Variants in CTIF observed in about 807,000 individuals in gnomAD.
The protein encoded by CTIF is CBP80/20-dependent translation initiation factor.
Under a neutral mutation model 66.0 loss-of-function variants are expected in CTIF, and 21 were observed. That is an observed-to-expected ratio of 0.32 (90% CI 0.23 to 0.46). The LOEUF is 0.46. Among genes scored for constraint, CTIF ranks in the 20% least tolerant of loss-of-function variants. The pLI is 1.00. For synonymous variants in CTIF, 345 were observed against 326.4 expected (o/e 1.06, Z -0.62); for missense variants, 739 against 812.7 (o/e 0.91, Z 1.10).
chr18:48,570,581 T>TG (rs1457902529), intron 1 of CTIF, among the ~76,000 whole-genome samples: 2 of 151,792 alleles, frequency 1.3e-5, no homozygotes, highest in Middle Eastern at 3.4e-3. Flanking sequence ...GGGGAGTCCC[T>TG]GGGGGGTGGG....
intron 5 of CTIF, among the ~76,000 whole-genome samples, chr18:48,665,928 G>A (rs943044202): frequency 3.3e-5 from 5 of 152,110 alleles, no homozygotes; most frequent in Admixed American, 2.0e-4. Flanking sequence ...AAATACTGCT[G>A]TATCTTTTTG....
intron 10 of CTIF, among the ~76,000 whole-genome samples, chr18:48,837,420 A>G (rs1347308878): frequency 6.6e-6 from 1 of 151,564 alleles, no homozygotes; most frequent in Non-Finnish European, 1.5e-5. Flanking sequence ...GTGCTGCAGG[A>G]ACTCAGAGGA....
intron 2 of CTIF, among the ~76,000 whole-genome samples, chr18:48,622,379 G>GT (rs1306040446): frequency 1.3e-5 from 2 of 152,106 alleles, no homozygotes; most frequent in Non-Finnish European, 2.9e-5. Context: ...ATGGGAGTGT[G>GT]TGGGGGAGAG....
Position 48,761,796 on chromosome 18 carries a change from C to A in CTIF, c.1371+107C>A. 3.6e-6 allele frequency: 4 copies of A among 1,105,092 alleles called. No individual in the cohort carries two copies. The highest frequency in any genetic ancestry group is 2.5e-5 in the East Asian group (1 of 39,924). The allele number at this position is 1,105,092 out of a possible 1,614,324, so 68.5% of individuals were successfully genotyped here. On this transcript the variant is annotated intron_variant, in intron 9 of 11. Coordinates refer to ENST00000256413, the MANE Select transcript of CTIF (RefSeq NM_014772.3). This position sits in a 1 kb window ranked among gnomAD's most constrained non-coding sequence, Gnocchi z 4.2. ...GTTCTGGCCACAGTTGGACTTTTCCCAAGTTCCGCCCTTGCCCGATTAATT... is the reference window on the plus strand; with the variant it reads ...GTTCTGGCCACAGTTGGACTTTTCCAAAGTTCCGCCCTTGCCCGATTAATT...
chr18:48,683,741 C>T (rs554773830), intron 6 of CTIF, among the ~76,000 whole-genome samples: 3 of 152,238 alleles, frequency 2.0e-5, no homozygotes, highest in Non-Finnish European at 4.4e-5. Flanking sequence ...TGTTGCTTTT[C>T]GCTGTGGGTT....
chr18:48,761,056 C>A lies in CTIF; in HGVS notation c.1072-334C>A. On this transcript the variant is annotated intron_variant, in intron 8 of 11. Coordinates refer to ENST00000256413, the MANE Select transcript of CTIF (RefSeq NM_014772.3). The surrounding 1 kb of genome is among the most constrained non-coding windows in gnomAD (Gnocchi z 4.2). ...GATTTCATATTTGTTATCTTATTTC[C>A]TCTTTCATAATTTCCATTAAATCTT... The A allele has an allele frequency of 4.8e-6, 1 of 210,238 alleles. No homozygotes were observed. Among genetic ancestry groups the A allele is most frequent in the Non-Finnish European group, 9.4e-6 (1 of 106,538 alleles). The allele number at this position is 210,238 out of a possible 1,614,324, so 13.0% of individuals were successfully genotyped here. A position where few individuals can be genotyped will look rare whatever the true frequency, so the allele number is the denominator to read the frequency against.
intron 1 of CTIF, among the ~76,000 whole-genome samples, chr18:48,604,168 G>T (rs1281172698): frequency 6.3e-5 from 4 of 63,282 alleles, no homozygotes; most frequent in Admixed American, 2.9e-4. Context: ...TTTTTTAAGG[G>T]TTTTTTTTTT....
chr18:48,553,073 G>T (rs2088924528), intron 1 of CTIF, among the ~76,000 whole-genome samples: 1 of 152,196 alleles, frequency 6.6e-6, no homozygotes, highest in Admixed American at 6.5e-5. Flanking sequence ...GGGAACAGTT[G>T]CACATCTTCC....
intron 7 of CTIF, among the ~76,000 whole-genome samples, chr18:48,732,183 G>A (rs893009454): frequency 2.6e-5 from 4 of 152,210 alleles, no homozygotes; most frequent in African/African-American, 9.6e-5. Flanking sequence ...ATCCAAGCAG[G>A]ACTCCCATTC....
chr18:48,630,190 C>T (rs1198899190), intron 2 of CTIF, among the ~76,000 whole-genome samples: 1 of 152,078 alleles, frequency 6.6e-6, no homozygotes, highest in East Asian at 1.9e-4. Context: ...AGCCCAGAGT[C>T]ACTGAGCAGA....
chr18:48,815,001 G>A (rs1443678473), intron 9 of CTIF, among the ~76,000 whole-genome samples: 1 of 152,172 alleles, frequency 6.6e-6, no homozygotes, highest in Non-Finnish European at 1.5e-5. Flanking sequence ...GGGACCGTGT[G>A]GACAAATGGC....
chr18:48,832,372 A>G (rs1252540875), intron 10 of CTIF, among the ~76,000 whole-genome samples: 1 of 151,964 alleles, frequency 6.6e-6, no homozygotes, highest in African/African-American at 2.4e-5. Context: ...GGGGTTTGCC[A>G]TGTGGCCCAG....
At chr18:48,789,660 T>A (rs1400463697) in intron 9 of CTIF, among the ~76,000 whole-genome samples, 3 of 152,134 alleles carry the variant, frequency 2.0e-5, no homozygotes, top group Non-Finnish European at 4.4e-5. Flanking sequence ...GAGTCAACAG[T>A]CTCAAATCAA....
intron 9 of CTIF, among the ~76,000 whole-genome samples, chr18:48,788,473 G>T (rs1321364165): frequency 2.0e-5 from 3 of 152,126 alleles, no homozygotes. Context: ...GCCTTTTAGT[G>T]CCAGCAGTGA....
chr18:48,605,374 G>A (rs1256952616), intron 1 of CTIF, among the ~76,000 whole-genome samples: 1 of 152,130 alleles, frequency 6.6e-6, no homozygotes, highest in East Asian at 1.9e-4. Context: ...GCTATGGGAG[G>A]CTCCTTTCTG....
intron 10 of CTIF, among the ~76,000 whole-genome samples, chr18:48,831,128 G>C (rs764396315): frequency 3.3e-5 from 5 of 152,220 alleles, no homozygotes; most frequent in Non-Finnish European, 7.3e-5. Context: ...GGTCCCTGGA[G>C]ATGAGCTCAG....
At chr18:48,839,459 G>A (rs1360691119) in intron 10 of CTIF, among the ~76,000 whole-genome samples, 2 of 152,184 alleles carry the variant, frequency 1.3e-5, no homozygotes, top group African/African-American at 2.4e-5. Flanking sequence ...ACCACTGACC[G>A]AGCTCACTGT....
intron 7 of CTIF, among the ~76,000 whole-genome samples, chr18:48,746,092 G>T (rs1049072585): frequency 6.6e-6 from 1 of 152,226 alleles, no homozygotes; most frequent in African/African-American, 2.4e-5. Context: ...GGCGTTCTCC[G>T]CCAAGAGCCT....
chr18:48,717,513 C>G (rs1283999996), intron 7 of CTIF, among the ~76,000 whole-genome samples: 2 of 152,026 alleles, frequency 1.3e-5, no homozygotes, highest in Non-Finnish European at 2.9e-5. Context: ...TGTCAGTCAT[C>G]AGATTGGATT....
Sources: allele counts gnomAD v4.1 joint callset (sites outside exome capture counted in the v4.1 genomes callset), GRCh38; gene constraint gnomAD v4.1.1; non-coding constraint Gnocchi (gnomAD v3.1); transcripts MANE v1.5; gene names NCBI Gene and HGNC (gene_info 2026-07-23, HGNC 2026-07-21).